TTN: variants seen among roughly 807,000 people sequenced by gnomAD.
TTN encodes titin.
In TTN, 1,525 loss-of-function variants were observed where a neutral mutation model predicts 3,223.0. That is an observed-to-expected ratio of 0.47 (90% confidence interval 0.45 to 0.49). TTN has a LOEUF of 0.49. Among genes scored for constraint, TTN ranks in the 20% least tolerant of loss-of-function variants. TTN has a pLI of 0.00. For synonymous variants in TTN, 14,094 were observed against 15,161.0 expected (o/e 0.93, Z 5.17); for missense variants, 40,786 against 43,424.0 (o/e 0.94, Z 5.40).
In TTN at chr2:178,630,275, G is replaced by A. The variant is rs752598508; in HGVS notation, c.44247C>T (p.Ala14749=). 1 of 1,613,118 alleles carries A rather than the reference G, an allele frequency of 6.2e-7. No individual in the cohort carries two copies. ...DQTGGVDFQA[A]NVKSSAHLRV... ...GGAGGTGGGCACTAGATTTAACATTGGCAGCTTGGAAATCCACCCCACCCG... is the reference window on the plus strand; with the variant it reads ...GGAGGTGGGCACTAGATTTAACATTAGCAGCTTGGAAATCCACCCCACCCG... Residue 14749 remains alanine, a synonymous_variant, in exon 239 of 363, where the codon GCC becomes GCT. Transcript: ENST00000589042.
chr2:178,604,914 C>G lies in TTN; in HGVS notation c.54191-16G>C, dbSNP rs187250851. On this transcript the variant is annotated splice_polypyrimidine_tract_variant and intron_variant, in intron 280 of 362. Coordinates refer to ENST00000589042, the MANE Select transcript of TTN (RefSeq NM_001267550.2). ...GATGGGCGGTCTGGAAAGGAATCAA[C>G]AGAGAATATTGAGAAGGCAATTCTT... 7 of 1,607,056 alleles carry G rather than the reference C, an allele frequency of 4.4e-6. No homozygotes were observed. In the East Asian group the frequency reaches 1.6e-4, roughly 36 times the overall value.
chr2:178,778,482 G>T, intron 24 of TTN: 1 of 308,864 alleles, frequency 3.2e-6, no homozygotes, highest in Non-Finnish European at 6.2e-6. Context: ...TTGAATGCTG[G>T]CACCACCGCT....
chr2:178,564,714 C>T lies in TTN; in HGVS notation c.81418G>A (p.Gly27140Ser). 1 of 1,613,288 alleles carries T rather than the reference C, an allele frequency of 6.2e-7. No individual in the cohort carries two copies. Among genetic ancestry groups the T allele is most frequent in the Non-Finnish European group, 8.5e-7 (1 of 1,179,592 alleles). Residue 27140 changes from glycine to serine, a missense_variant, in exon 326 of 363, where the codon GGC becomes AGC. Physicochemically the swap from Gly to Ser is moderately conservative, Grantham distance 56 (BLOSUM62 0). Transcript: ENST00000589042. ...GAAACTTTGAACTCATACTCAAGGC[C>T]CTCATCAAGCCCAGTTGTTTTGAAT... ...TKFKTTGLDEGLEYEFKVSAE... is the reference protein window; with the variant it reads ...TKFKTTGLDESLEYEFKVSAE...
Position 178,536,061 on chromosome 2 carries a change from A to G in TTN, c.100686T>C (p.Asp33562=). Residue 33562 remains aspartate, a synonymous_variant, in exon 357 of 363, where the codon GAT becomes GAC. Coordinates refer to ENST00000589042, the MANE Select transcript of TTN (RefSeq NM_001267550.2). The stretch of plus-strand genomic sequence containing the variant: ...TGACTTGGTAAACTGTGGCATCATC[A>G]TCTGTGACACTTGCAATGATGAGCT... The part of the protein sequence containing the change: ...YHQLIIASVT[D]DDATVYQVRA... 6.2e-7 allele frequency: 1 copy of G among 1,601,422 alleles called. No homozygotes were observed. Among genetic ancestry groups the G allele is most frequent in the Non-Finnish European group, 8.5e-7 (1 of 1,171,702 alleles).
At position 178,800,391 on chromosome 2, in the gene TTN, G is replaced by A. The variant is rs764670848; in HGVS notation, c.583+4C>T. Reference sequence around the variant, plus strand: ...CTCTCTGTTCCTCAACCTCCAGCACGTACCTTGAACCAGTAATTCAGCAGT... The same window carrying A: ...CTCTCTGTTCCTCAACCTCCAGCACATACCTTGAACCAGTAATTCAGCAGT... On this transcript the variant is annotated splice_donor_region_variant and intron_variant, in intron 4 of 362. Transcript: ENST00000589042. 15 of 1,614,048 alleles carry A rather than the reference G, an allele frequency of 9.3e-6. No individual in the cohort carries two copies. The highest frequency in any genetic ancestry group is 6.7e-5 in the Admixed American group (4 of 60,008).
In TTN at chr2:178,585,291, G is replaced by A. The variant is rs768345594; in HGVS notation, c.64453C>T (p.Arg21485Ter). The A allele has an allele frequency of 5.0e-6, 8 of 1,611,460 alleles. No homozygotes were observed. In the Admixed American group the frequency reaches 6.7e-5, roughly 13 times the overall value. The change falls in exon 309 of 363, where the codon CGA becomes TGA. Residue 21485 changes from arginine to a stop codon, truncating the protein, a stop_gained. Transcript: ENST00000589042. LOFTEE classifies it high-confidence loss of function. ...TTTCCATACACATGGGCTTCAATTC[G>A]GAGTTTTTTCCCAGCTTTGATAGTT... ...QITIKAGKKL[R>*]IEAHVYGKPH...
chr2:178,584,077 A>G (rs1212649381), intron 311 of TTN, among the ~76,000 whole-genome samples, 171 bp from the exon 312 acceptor site: 1 of 152,050 alleles, frequency 6.6e-6, no homozygotes, highest in African/African-American at 2.4e-5. Context: ...TGTATGCTTT[A>G]AAGGAAATTA....
chr2:178,669,368 C>T lies in TTN; in HGVS notation c.35545+5G>A. On this transcript the variant is annotated splice_donor_5th_base_variant and intron_variant, in intron 159 of 362. Coordinates refer to ENST00000589042, the MANE Select transcript of TTN (RefSeq NM_001267550.2). ...AAAAAGAACCACTAATTTTTCTACA[C>T]TCACTGTACATCTCTGTGTCTTCAG... is the stretch of plus-strand genomic sequence containing the variant. 6.6e-7 allele frequency: 1 copy of T among 1,522,204 alleles called. No homozygotes were observed. 94.3% of individuals were successfully genotyped at this position (1,522,204 alleles called of 1,614,324 possible).
At position 178,562,691 on chromosome 2, in the gene TTN, G is replaced by T. The variant is rs769623982; in HGVS notation, c.83441C>A (p.Ala27814Asp). 3 of 1,596,222 alleles carry T rather than the reference G, an allele frequency of 1.9e-6. No individual in the cohort carries two copies. Among genetic ancestry groups the T allele is most frequent in the Admixed American group, 3.5e-5 (2 of 56,994 alleles). ...EKRETTRKAY[A>D]TITNNCTKTT... is the part of the protein sequence containing the mutation. ...TTTAGTGCAATTATTTGTAATGGTAGCATAGGCTTTTCTTGTAGTTTCTCG... is the reference window on the plus strand; with the variant it reads ...TTTAGTGCAATTATTTGTAATGGTATCATAGGCTTTTCTTGTAGTTTCTCG... Residue 27814 changes from alanine (A) to aspartate (D), a missense_variant, in exon 326 of 363, where the codon GCT becomes GAT. Coordinates refer to ENST00000589042, the MANE Select transcript of TTN (RefSeq NM_001267550.2).
In TTN at chr2:178,533,763, G is replaced by A; in HGVS notation, c.102852C>T (p.His34284=). The A allele has an allele frequency of 1.2e-6, 2 of 1,613,944 alleles. No homozygotes were observed. Among genetic ancestry groups the A allele is most frequent in the Non-Finnish European group, 1.7e-6 (2 of 1,179,870 alleles). The part of the protein sequence containing the change: ...NVRFGVTITV[H]PEPHVTWYKS... ...TATACCATGTTACATGAGGCTCTGG[G>A]TGGACAGTTATAGTTACTCCAAACC... The change falls in exon 358 of 363, where the codon CAC becomes CAT. Residue 34284 remains histidine (H), a synonymous_variant. Transcript: ENST00000589042.
rs719202 is a variant in TTN at position 178,777,837 on chromosome 2, T to G, written c.4347A>C (p.Ser1449=). Residue 1449 remains serine (S), a synonymous_variant, in exon 25 of 363, where the codon TCA becomes TCC. Transcript: ENST00000589042. ...CTGGTTTATATAGTCTCTCAAGTTGTGACTCATCTGTCTCCTCCAGCCTAC... is the reference window on the plus strand; with the variant it reads ...CTGGTTTATATAGTCTCTCAAGTTGGGACTCATCTGTCTCCTCCAGCCTAC... The part of the protein sequence containing the change: ...PGRRLEETDE[S]QLERLYKPVF... 6.2e-7 allele frequency: 1 copy of G among 1,613,932 alleles called. No homozygotes were observed.
chr2:178,786,843 T>C (rs1034885287), intron 13 of TTN, among the ~76,000 whole-genome samples: 1 of 152,198 alleles, frequency 6.6e-6, no homozygotes, highest in African/African-American at 2.4e-5. Context: ...ACCTTTCACA[T>C]TGAAGTTTAA....
At position 178,602,339 on chromosome 2, in the gene TTN, C is replaced by G. The variant is rs2053671258; in HGVS notation, c.55063G>C (p.Ala18355Pro). ...GTATCACTTGGTTCAGATTCACCAG[C>G]TTCATTGACAGCTTTCACTCTGAAT... ...YRFRVKAVNE[A>P]GESEPSDTTG... Residue 18355 changes from alanine to proline, a missense_variant, in exon 283 of 363, where the codon GCT (alanine) becomes CCT (proline). Coordinates refer to ENST00000589042, the MANE Select transcript of TTN (RefSeq NM_001267550.2). 5 of 1,612,786 alleles carry G rather than the reference C, an allele frequency of 3.1e-6. No individual in the cohort carries two copies. The highest frequency in any genetic ancestry group is 4.2e-6 in the Non-Finnish European group (5 of 1,179,320).
intron 244 of TTN, 40 bp downstream of exon 244, chr2:178,621,800 C>T (rs762229721): frequency 6.2e-7 from 1 of 1,608,522 alleles, no homozygotes; most frequent in South Asian, 1.1e-5. Flanking sequence ...ATTATTTTTT[C>T]CCAACACATA....
In TTN at chr2:178,712,186, T is replaced by G; in HGVS notation, c.27644A>C (p.Lys9215Thr). ...AGAGGCAGAATCTCCAACAGACACC[T>G]TAACCGGCTCCAACTGCTTGACAAA... ...PYFVKQLEPV[K>T]VSVGDSASLQ... Residue 9215 changes from lysine (K) to threonine (T), a missense_variant, in exon 96 of 363, where the codon AAG becomes ACG. By Grantham distance (78) the Lys-to-Thr change is moderately conservative (BLOSUM62 -1). Coordinates refer to ENST00000589042, the MANE Select transcript of TTN (RefSeq NM_001267550.2). 1 of 1,613,726 alleles carries G rather than the reference T, an allele frequency of 6.2e-7. No individual in the cohort carries two copies. The highest frequency in any genetic ancestry group is 1.3e-5 in the African/African-American group (1 of 75,040).
chr2:178,650,537 G>A (rs1444481757), intron 209 of TTN, among the ~76,000 whole-genome samples: 1 of 152,080 alleles, frequency 6.6e-6, no homozygotes, highest in Non-Finnish European at 1.5e-5. Flanking sequence ...GAGAAGCTTT[G>A]TTTAATATAG....
At position 178,704,738 on chromosome 2, in the gene TTN, A is replaced by G; in HGVS notation, c.29734T>C (p.Leu9912=). The change falls in exon 105 of 363, where the codon TTG becomes CTG. Residue 9912 remains leucine (L), a synonymous_variant. Transcript: ENST00000589042. ...TCAAAGACAGCATCATTATCTTTCA[A>G]AACTGTCTGATTTTCAATGTCCTTG... The part of the protein sequence containing the change: ...LIKDIENQTV[L]KDNDAVFEID... 1.2e-6 allele frequency: 2 copies of G among 1,610,760 alleles called. No individual in the cohort carries two copies. The highest frequency in any genetic ancestry group is 1.7e-6 in the Non-Finnish European group (2 of 1,179,544).
In TTN at chr2:178,551,954, T is replaced by C; in HGVS notation, c.90946A>G (p.Ile30316Val). 3 of 1,612,778 alleles carry C rather than the reference T, an allele frequency of 1.9e-6. No individual in the cohort carries two copies. Among genetic ancestry groups the C allele is most frequent in the Non-Finnish European group, 1.7e-6 (2 of 1,178,874 alleles). Reference protein sequence around the residue: ...GVSQPLVSSIIVAKHQFRIPG... With the variant: ...GVSQPLVSSIVVAKHQFRIPG... ...ATCCTGAACTGGTGTTTTGCCACAATAATGCTTGAGACAAGTGGTTGGCTG... is the reference window on the plus strand; with the variant it reads ...ATCCTGAACTGGTGTTTTGCCACAACAATGCTTGAGACAAGTGGTTGGCTG... Residue 30316 changes from isoleucine (I) to valine (V), a missense_variant, in exon 335 of 363, where the codon ATT becomes GTT. Coordinates refer to ENST00000589042, the MANE Select transcript of TTN (RefSeq NM_001267550.2).
chr2:178,574,442 T>C lies in TTN; in HGVS notation c.71690A>G (p.Tyr23897Cys). The C allele has an allele frequency of 1.2e-6, 2 of 1,613,606 alleles. No homozygotes were observed. The change falls in exon 326 of 363, where the codon TAT becomes TGT. Residue 23897 changes from tyrosine to cysteine, a missense_variant. Tyr to Cys is a radical substitution (Grantham distance 194, BLOSUM62 -2). Transcript: ENST00000589042. ...GTTTTCTGCAATCACCCGGAACTCATAAGCAATACCATCTGTAAGTCCACT... is the reference window on the plus strand; with the variant it reads ...GTTTTCTGCAATCACCCGGAACTCACAAGCAATACCATCTGTAAGTCCACT... ...KSSGLTDGIAYEFRVIAENMA... is the reference protein window; with the variant it reads ...KSSGLTDGIACEFRVIAENMA...
Sources: gnomAD v4.1 joint callset for allele counts (sites outside exome capture counted in the v4.1 genomes callset) on GRCh38, gnomAD v4.1.1 for gene constraint, MANE v1.5 for transcripts, NCBI Gene and HGNC (gene_info 2026-07-23, HGNC 2026-07-21) for gene names.